The following FSTL4 variants were observed in gnomAD, a reference collection of about 807,000 sequenced individuals.
FSTL4 encodes follistatin-related protein 4.
In FSTL4, 28 loss-of-function variants were observed where a neutral mutation model predicts 78.2. The observed-to-expected ratio is 0.36, with a 90% confidence interval of 0.27 to 0.49. The LOEUF is 0.49. FSTL4 is among the 20% of genes least tolerant of loss of function. The pLI, the probability that FSTL4 is intolerant of heterozygous loss-of-function variation, is 0.98. For synonymous variants in FSTL4, 422 were observed against 440.5 expected, an observed-to-expected ratio of 0.96 and a Z score of 0.53; for missense variants, 922 against 1,084.9, an observed-to-expected ratio of 0.85 and a Z score of 2.11.
the FSTL4 span, among the ~76,000 whole-genome samples, chr5:133,813,529 T>G: frequency 6.6e-6 from 1 of 152,238 alleles, no homozygotes; most frequent in South Asian, 2.1e-4. Flanking sequence ...CACATGTAGA[T>G]TTGAGGAAAG....
intron 3 of FSTL4, among the ~76,000 whole-genome samples, chr5:133,448,630 G>T (rs1199433336): frequency 2.0e-5 from 3 of 150,684 alleles, no homozygotes; most frequent in Non-Finnish European, 4.4e-5. Context: ...TGACACCATT[G>T]GGAACACACT....
chr5:133,576,050 A>G (rs938947675), intron 2 of FSTL4, among the ~76,000 whole-genome samples: 1 of 152,234 alleles, frequency 6.6e-6, no homozygotes, highest in African/African-American at 2.4e-5. Context: ...TTACCATTCT[A>G]TAAAGCTGTA....
At chr5:133,297,761 G>C (rs1753434880) in intron 6 of FSTL4, among the ~76,000 whole-genome samples, 1 of 152,154 alleles carries the variant, frequency 6.6e-6, no homozygotes, top group Non-Finnish European at 1.5e-5. Context: ...ATTGGGTTTA[G>C]GACCCCTGAG....
intron 4 of FSTL4, among the ~76,000 whole-genome samples, chr5:133,327,847 G>A (rs780247632): frequency 5.3e-5 from 8 of 152,204 alleles, no homozygotes; most frequent in African/African-American, 4.8e-5. Flanking sequence ...GGATTTTGGC[G>A]TGTGGGTACT....
chr5:133,522,050 T>C (rs1210757482), intron 3 of FSTL4, among the ~76,000 whole-genome samples: 1 of 152,176 alleles, frequency 6.6e-6, no homozygotes. Context: ...AATAAGGGTA[T>C]AGATCCCCAG....
At chr5:133,541,218 G>C (rs965047299) in intron 3 of FSTL4, among the ~76,000 whole-genome samples, 6 of 152,196 alleles carry the variant, frequency 3.9e-5, no homozygotes, top group Non-Finnish European at 8.8e-5. Context: ...GGAGGGTTCA[G>C]CCAGGTGGAT....
In FSTL4 at chr5:133,375,640, A is replaced by G. The variant is rs114867350; in HGVS notation, c.409+25098T>C. On this transcript the variant is annotated intron_variant, in intron 4 of 15. Coordinates refer to ENST00000265342, the MANE Select transcript of FSTL4 (RefSeq NM_015082.2). ...GTGGAGGAGCTTTAAAGTAGGTGCT[A>G]CTTTGTGATAAAAATGTACCTTATT... 6.0e-3 allele frequency among the ~76,000 whole-genome samples: 906 copies of G among 152,244 alleles called. 8 individuals are homozygous for G. The highest frequency in any genetic ancestry group is 0.02 in the African/African-American group (826 of 41,562).
the FSTL4 span, among the ~76,000 whole-genome samples, chr5:133,704,869 G>A: frequency 1.3e-5 from 2 of 152,204 alleles, no homozygotes; most frequent in Non-Finnish European, 2.9e-5. Context: ...ACTGCTCTAA[G>A]ATGCGACACC....
chr5:133,382,539 G>C (rs1302772962), intron 4 of FSTL4, among the ~76,000 whole-genome samples: 2 of 152,134 alleles, frequency 1.3e-5, no homozygotes, highest in African/African-American at 4.8e-5. Context: ...AATCCAGACT[G>C]TGATTGTTTG....
Position 133,199,073 on chromosome 5 carries a change from C to T in FSTL4, c.*22G>A. ...TCAGGACTAGGGGGTGTTCCTTGGC[C>T]CAGGGCTCTGCTCTGGGCCCTTCAT... is the stretch of plus-strand genomic sequence containing the variant. On this transcript the variant is annotated 3_prime_UTR_variant, in exon 16 of 16. Transcript: ENST00000265342. This position sits in a 1 kb window ranked among gnomAD's most constrained non-coding sequence, Gnocchi z 4.4. 6.9e-7 allele frequency: 1 copy of T among 1,441,852 alleles called. No individual in the cohort carries two copies. 89.3% of individuals were successfully genotyped at this position (1,441,852 alleles called of 1,614,324 possible).
At chr5:133,707,348 C>A in the FSTL4 span, among the ~76,000 whole-genome samples, 25 of 152,190 alleles carry the variant, frequency 1.6e-4, no homozygotes, top group African/African-American at 6.0e-4. Context: ...CCACAAAATC[C>A]TCTGGAGCCT....
At chr5:133,684,605 T>G in the FSTL4 span, among the ~76,000 whole-genome samples, 1 of 152,348 alleles carries the variant, frequency 6.6e-6, no homozygotes, top group East Asian at 1.9e-4. Context: ...CTGTCAAACC[T>G]AATCCCTGGT....
chr5:133,358,114 G>A lies in FSTL4; in HGVS notation c.410-41462C>T, dbSNP rs532581676. ...GCCACCTGGCCTGACTCATTTCAGC[G>A]CAGCATCCTCAAATTTCCTCTGACT... On this transcript the variant is annotated intron_variant, in intron 4 of 15. Coordinates refer to ENST00000265342, the MANE Select transcript of FSTL4 (RefSeq NM_015082.2). Among the ~76,000 whole-genome samples the A allele has an allele frequency of 1.1e-3, 165 of 152,268 alleles. 1 individual carries two copies. The highest frequency in any genetic ancestry group is 2.5e-3 in the African/African-American group (102 of 41,562).
chr5:133,223,086 T>C (rs1751203259), intron 11 of FSTL4, among the ~76,000 whole-genome samples: 1 of 152,226 alleles, frequency 6.6e-6, no homozygotes, highest in Admixed American at 6.5e-5. Context: ...CTTCTGAAAC[T>C]TGAGACCCTT....
chr5:133,452,905 G>A (rs951382970), intron 3 of FSTL4, among the ~76,000 whole-genome samples: 1 of 152,244 alleles, frequency 6.6e-6, no homozygotes. Context: ...TCTGTGCAGT[G>A]TCCCATTTAG....
the FSTL4 span, among the ~76,000 whole-genome samples, chr5:133,705,281 G>T: frequency 2.0e-5 from 3 of 152,284 alleles, no homozygotes; most frequent in Admixed American, 2.0e-4. Flanking sequence ...GGCTGGTCTT[G>T]AACTCCTGAC....
At chr5:133,625,779 T>C in the FSTL4 span, among the ~76,000 whole-genome samples, 1 of 12,850 alleles carries the variant, frequency 7.8e-5, no homozygotes. Context: ...TCCATATATA[T>C]ATATTCCATA....
the FSTL4 span, among the ~76,000 whole-genome samples, chr5:133,735,562 AC>A: frequency 2.0e-5 from 3 of 152,060 alleles, no homozygotes; most frequent in East Asian, 5.8e-4. Context: ...TCCCCAAACA[AC>A]CTTTGCCATT....
chr5:133,231,018 A>T (rs1560085), intron 8 of FSTL4, among the ~76,000 whole-genome samples: 30,166 of 151,800 alleles, frequency 0.2, 3,446 homozygotes, highest in African/African-American at 0.32. Flanking sequence ...TCCTGGGCCC[A>T]CGTTGCCACT....
Sources: gnomAD v4.1 joint callset for allele counts (sites outside exome capture counted in the v4.1 genomes callset) on GRCh38, gnomAD v4.1.1 for gene constraint, Gnocchi (gnomAD v3.1) non-coding constraint, MANE v1.5 for transcripts, NCBI Gene and HGNC (gene_info 2026-07-23, HGNC 2026-07-21) for gene names.